Variants in MYO18B observed in about 807,000 individuals in gnomAD.
MYO18B encodes the protein unconventional myosin-XVIIIb.
A neutral mutation model predicts 273.0 loss-of-function variants in MYO18B; 204 were observed. The ratio of observed to expected loss-of-function variants is 0.75; its 90% CI spans 0.67 to 0.84. The LOEUF is 0.84. Ranked by LOEUF, MYO18B falls within the 40% of genes least tolerant of loss-of-function variation. The probability of loss-of-function intolerance (pLI) is 0.00; values close to 1 mark genes in which losing one functional copy is unlikely to be tolerated. For synonymous variants in MYO18B, 1,330 were observed against 1,305.7 expected (o/e 1.02, Z -0.40); for missense variants, 3,212 against 3,287.6 (o/e 0.98, Z 0.56).
At chr22:25,901,350 C>T (rs2091930389) in intron 29 of MYO18B, 2 of 152,270 alleles carry the variant, frequency 1.3e-5, no homozygotes, top group Admixed American at 6.5e-5. Flanking sequence ...CTGAAAGTCA[C>T]ACCTTACTGA....
intron 16 of MYO18B, among the ~76,000 whole-genome samples, chr22:25,833,581 T>C (rs1160777024): frequency 6.6e-6 from 1 of 152,180 alleles, no homozygotes; most frequent in Non-Finnish European, 1.5e-5. Flanking sequence ...CACTTGATTT[T>C]TTTGTCTTCC....
At chr22:25,841,003 T>G (rs772763578) in intron 17 of MYO18B, among the ~76,000 whole-genome samples, 1 of 152,242 alleles carries the variant, frequency 6.6e-6, no homozygotes, top group Non-Finnish European at 1.5e-5. Context: ...TCTGAGTTAA[T>G]GAGAACATTC....
chr22:25,804,425 T>G (rs1378162401), intron 12 of MYO18B, among the ~76,000 whole-genome samples: 3 of 152,210 alleles, frequency 2.0e-5, no homozygotes, highest in Non-Finnish European at 4.4e-5. Context: ...AGATAATGCC[T>G]TAAGGTGAGT....
At chr22:25,759,300 A>G (rs1433282494) in intron 1 of MYO18B, among the ~76,000 whole-genome samples, 1 of 151,798 alleles carries the variant, frequency 6.6e-6, no homozygotes, top group Non-Finnish European at 1.5e-5. Context: ...CATCAGTGAT[A>G]GACTAGATAA....
chr22:25,763,074 G>A (rs1239353793), intron 2 of MYO18B, 157 bp from the exon 3 acceptor site: 1 of 848,538 alleles, frequency 1.2e-6, no homozygotes, highest in Non-Finnish European at 2.1e-6. Flanking sequence ...CCTGAGTCGT[G>A]CTGGGCCTCA....
the MYO18B span, among the ~76,000 whole-genome samples, chr22:26,047,287 C>T: frequency 2.1e-3 from 325 of 152,160 alleles, 5 homozygotes; most frequent in Admixed American, 0.017. Context: ...CCACCATGCC[C>T]GGCTAATTTG....
At chr22:26,046,287 T>C in the MYO18B span, among the ~76,000 whole-genome samples, 1 of 152,216 alleles carries the variant, frequency 6.6e-6, no homozygotes, top group Non-Finnish European at 1.5e-5. Context: ...GGGTAAGCAT[T>C]GTTGTCTGTG....
Position 26,027,277 on chromosome 22 carries a change from C to T in MYO18B, c.7303C>T (p.Arg2435Cys), listed in dbSNP as rs759376174. The T allele has an allele frequency of 9.3e-6, 15 of 1,613,874 alleles. No homozygotes were observed. Among genetic ancestry groups the T allele is most frequent in the African/African-American group, 5.3e-5 (4 of 74,922 alleles). ...GAAACTCCCAAGCCTCGACTACGAA[C>T]GCAAGACCAAAGTGGACTTCGATGA... ...SWKLPSLDYERKTKVDFDDFL... is the reference protein window; with the variant it reads ...SWKLPSLDYECKTKVDFDDFL... The change falls in exon 43 of 44, where the codon CGC (arginine) becomes TGC (cysteine). Residue 2435 changes from arginine to cysteine, a missense_variant. By Grantham distance (180) the Arg-to-Cys change is radical (BLOSUM62 -3). Transcript: ENST00000335473. This position sits in a 1 kb window ranked among gnomAD's most constrained non-coding sequence, Gnocchi z 4.1.
chr22:25,955,593 C>T (rs1023258249), intron 39 of MYO18B, among the ~76,000 whole-genome samples: 2 of 152,162 alleles, frequency 1.3e-5, no homozygotes, highest in Non-Finnish European at 1.5e-5. Flanking sequence ...TCACTGCTGC[C>T]GGATGGCTGC....
Position 25,770,935 on chromosome 22 carries a change from T to A in MYO18B, c.1643T>A (p.Ile548Asn), listed in dbSNP as rs201482451. The change falls in exon 6 of 44, where the codon ATT becomes AAT. Residue 548 changes from isoleucine to asparagine, a missense_variant. Coordinates refer to ENST00000335473, the MANE Select transcript of MYO18B (RefSeq NM_032608.7). Reference protein sequence around the residue: ...DLPAGRVRLWIDADKTITEVD... With the variant: ...DLPAGRVRLWNDADKTITEVD... ...CCAGCAGGAAGGGTGAGACTTTGGA[T>A]TGATGCTGACAAAACCATCACTGAG... 3.4e-4 allele frequency: 527 copies of A among 1,552,116 alleles called. No individual in the cohort carries two copies. Among genetic ancestry groups the A allele is most frequent in the Non-Finnish European group, 4.1e-4 (476 of 1,147,216 alleles).
At chr22:25,919,253 A>G (rs958846632) in intron 33 of MYO18B, among the ~76,000 whole-genome samples, 5 of 151,950 alleles carry the variant, frequency 3.3e-5, no homozygotes, top group African/African-American at 1.2e-4. Flanking sequence ...CATAATATAT[A>G]TTTTTTCAGA....
chr22:25,851,274 G>C (rs1044094365), intron 20 of MYO18B, among the ~76,000 whole-genome samples, 196 bp from the exon 21 acceptor site: 1 of 152,168 alleles, frequency 6.6e-6, no homozygotes, highest in Non-Finnish European at 1.5e-5. Context: ...GAACACCTCT[G>C]GGAAGTGCCA....
chr22:26,061,175 G>A, the MYO18B span, among the ~76,000 whole-genome samples: 4 of 152,220 alleles, frequency 2.6e-5, no homozygotes, highest in Non-Finnish European at 4.4e-5. Flanking sequence ...CCAGGAGGTG[G>A]TAGGAGCTTC....
At position 25,888,603 on chromosome 22, in the gene MYO18B, A is replaced by G. The variant is rs1376208493; in HGVS notation, c.4315-2153A>G. ...AACAACCATCTGAGGTCATTGCCAC[A>G]TAAGTACTTCCCTGGTGCACGGTGT... On this transcript the variant is annotated intron_variant, in intron 25 of 43. Coordinates refer to ENST00000335473, the MANE Select transcript of MYO18B (RefSeq NM_032608.7). Among the ~76,000 whole-genome samples the G allele has an allele frequency of 5.9e-5, 9 of 152,026 alleles. No individual in the cohort carries two copies. The East Asian group carries it at 1.7e-3, about 29-fold the overall frequency.
At chr22:25,874,200 G>T in intron 22 of MYO18B, 86 bp from the exon 23 acceptor site, 1 of 1,524,094 alleles carries the variant, frequency 6.6e-7, no homozygotes, top group South Asian at 1.2e-5. Flanking sequence ...GGGTGCAAGA[G>T]AAGTGGGGTC....
intron 31 of MYO18B, among the ~76,000 whole-genome samples, chr22:25,904,932 C>T (rs1282127629): frequency 7.9e-6 from 1 of 126,612 alleles, no homozygotes; most frequent in Admixed American, 7.7e-5. Flanking sequence ...ATGTGAGTTA[C>T]ATGCCTGAGA....
rs138254736 is a variant in MYO18B, at chr22:25,760,919, G to A, written c.-109-65G>A. ...GTTTATGGCGTTGGTGGGGGTGGGAGTAGGGCTGTGCCCATGAGCTAACCT... is the reference window on the plus strand; with the variant it reads ...GTTTATGGCGTTGGTGGGGGTGGGAATAGGGCTGTGCCCATGAGCTAACCT... On this transcript the variant is annotated intron_variant, in intron 1 of 43. Coordinates refer to ENST00000335473, the MANE Select transcript of MYO18B (RefSeq NM_032608.7). 8.1e-5 allele frequency: 57 copies of A among 703,416 alleles called. 1 individual carries two copies. The highest frequency in any genetic ancestry group is 1.2e-4 in the Non-Finnish European group (47 of 404,222). 43.6% of individuals were successfully genotyped at this position (703,416 alleles called of 1,614,324 possible).
intron 39 of MYO18B, among the ~76,000 whole-genome samples, chr22:25,969,913 T>TATC (rs2093018188): frequency 1.3e-5 from 2 of 152,164 alleles, no homozygotes; most frequent in African/African-American, 2.4e-5. Context: ...TAAGCCCGCC[T>TATC]ATCATCATCA....
the MYO18B span, among the ~76,000 whole-genome samples, chr22:26,042,019 C>T: frequency 3.3e-5 from 5 of 152,210 alleles, no homozygotes; most frequent in Admixed American, 6.5e-5. Context: ...GTCATCACGG[C>T]TCCACCCTAA....
Sources: allele counts gnomAD v4.1 joint callset (sites outside exome capture counted in the v4.1 genomes callset), GRCh38; gene constraint gnomAD v4.1.1; non-coding constraint Gnocchi (gnomAD v3.1); transcripts MANE v1.5; gene names NCBI Gene and HGNC (gene_info 2026-07-23, HGNC 2026-07-21).